The following ABCC1 variants were observed in gnomAD, a reference collection of about 807,000 sequenced individuals.
The protein encoded by ABCC1 is multidrug resistance-associated protein 1.
ABCC1 carries 83 observed loss-of-function variants against 172.9 expected under a neutral mutation model. That is an observed-to-expected ratio of 0.48 (90% CI 0.40 to 0.58). The LOEUF (loss-of-function observed/expected upper bound fraction) is 0.58. ABCC1 is among the 20% of genes least tolerant of loss of function. ABCC1 has a pLI of 0.00. For synonymous variants in ABCC1, 937 were observed against 825.2 expected, an observed-to-expected ratio of 1.14 and a Z score of -2.32; for missense variants, 1,817 against 2,002.7, an observed-to-expected ratio of 0.91 and a Z score of 1.77.
intron 19 of ABCC1, among the ~76,000 whole-genome samples, chr16:16,099,794 C>T (rs1300754298): frequency 6.6e-6 from 1 of 152,108 alleles, no homozygotes; most frequent in Non-Finnish European, 1.5e-5. Flanking sequence ...TTCAAAAAGC[C>T]AACAGGGGGC....
chr16:15,963,857 T>A (rs964182482), intron 1 of ABCC1, among the ~76,000 whole-genome samples: 1 of 152,196 alleles, frequency 6.6e-6, no homozygotes. Context: ...ATTGGGCTCC[T>A]TGTTACTTTT....
intron 1 of ABCC1, among the ~76,000 whole-genome samples, chr16:15,956,313 C>T (rs543477009): frequency 1.0e-3 from 152 of 151,624 alleles, no homozygotes; most frequent in Non-Finnish European, 1.8e-3. Context: ...TGCAGTGAGC[C>T]GAGATCGCGC....
At chr16:15,998,516 C>T (rs1164424970) in intron 1 of ABCC1, among the ~76,000 whole-genome samples, 8 of 152,130 alleles carry the variant, frequency 5.3e-5, no homozygotes, top group Non-Finnish European at 5.9e-5. Flanking sequence ...AGGGGTGACC[C>T]GTGTTGGCTG....
chr16:16,082,565 G>A (rs1228345899), intron 16 of ABCC1, among the ~76,000 whole-genome samples: 1 of 50,024 alleles, frequency 2.0e-5, no homozygotes, highest in African/African-American at 6.2e-5. Flanking sequence ...TGAAATGGAT[G>A]CTTGATATAG....
intron 12 of ABCC1, among the ~76,000 whole-genome samples, chr16:16,061,499 C>G (rs1358736284): frequency 6.6e-6 from 1 of 152,142 alleles, no homozygotes; most frequent in African/African-American, 2.4e-5. Context: ...CCAGGCATTG[C>G]GAAGTGTCCC....
chr16:16,104,999 C>T (rs113721197), intron 20 of ABCC1, among the ~76,000 whole-genome samples: 9 of 152,238 alleles, frequency 5.9e-5, no homozygotes, highest in East Asian at 3.9e-4. Context: ...GGTTCCCTCC[C>T]GTTCCTCTCC....
intron 19 of ABCC1, among the ~76,000 whole-genome samples, chr16:16,102,013 C>T (rs1432333968): frequency 1.3e-5 from 2 of 152,146 alleles, no homozygotes; most frequent in African/African-American, 4.8e-5. Context: ...GTTGGCAGAA[C>T]TTGGTTCCCC....
chr16:16,141,074 G>T, intron 30 of ABCC1, 99 bp from the exon 31 acceptor site: 1 of 983,998 alleles, frequency 1.0e-6, no homozygotes, highest in South Asian at 1.4e-5. Context: ...AGTGTTAGGG[G>T]CCTGACCCGA....
chr16:16,001,281 G>A lies in ABCC1; in HGVS notation c.49-6535G>A, dbSNP rs567486510. 3.3e-5 allele frequency among the ~76,000 whole-genome samples: 5 copies of A among 152,056 alleles called. No individual in the cohort carries two copies. The South Asian group carries it at 6.3e-4, about 19-fold the overall frequency. Reference sequence around the variant, plus strand: ...GGCTGGAGTGCAGTGGCGCGATCTCGGCTCACTGCAAGCTCTGCCTCCCGG... The same window carrying A: ...GGCTGGAGTGCAGTGGCGCGATCTCAGCTCACTGCAAGCTCTGCCTCCCGG... On this transcript the variant is annotated intron_variant, in intron 1 of 30. Coordinates refer to ENST00000399410, the MANE Select transcript of ABCC1 (RefSeq NM_004996.4).
At chr16:15,967,795 A>G (rs1327748305) in intron 1 of ABCC1, among the ~76,000 whole-genome samples, 1 of 151,670 alleles carries the variant, frequency 6.6e-6, no homozygotes, top group African/African-American at 2.4e-5. Flanking sequence ...AACTTGTTTA[A>G]CTACCTAAAT....
chr16:16,071,401 C>T (rs764474107), intron 13 of ABCC1, among the ~76,000 whole-genome samples: 3 of 151,834 alleles, frequency 2.0e-5, no homozygotes, highest in South Asian at 4.2e-4. Flanking sequence ...CCCAGCCATT[C>T]GCCCATTTTT....
chr16:15,963,035 T>A (rs2046170141), intron 1 of ABCC1, among the ~76,000 whole-genome samples: 1 of 152,250 alleles, frequency 6.6e-6, no homozygotes, highest in African/African-American at 2.4e-5. Flanking sequence ...GTTAGTTAGT[T>A]CCTAGATACA....
intron 20 of ABCC1, among the ~76,000 whole-genome samples, chr16:16,104,987 C>A (rs2052007870): frequency 6.6e-6 from 1 of 152,118 alleles, no homozygotes; most frequent in Non-Finnish European, 1.5e-5. Context: ...CTGTGCAGCT[C>A]CGGTTCCCTC....
rs148286748 is a variant in ABCC1, at chr16:16,027,799, C to T, written c.616-5310C>T. On this transcript the variant is annotated intron_variant, in intron 5 of 30. Coordinates refer to ENST00000399410, the MANE Select transcript of ABCC1 (RefSeq NM_004996.4). ...CCGTGCTCCAGCCTGGGTGACAGAG[C>T]GAGACCCTGTCTCGAAAATATATTT... is the stretch of plus-strand genomic sequence containing the variant. 8.7e-3 allele frequency among the ~76,000 whole-genome samples: 1,330 copies of T among 152,170 alleles called. 9 individuals carry two copies. The highest frequency in any genetic ancestry group is 0.016 in the Non-Finnish European group (1,064 of 67,980).
chr16:16,082,011 G>C (rs985132163), intron 16 of ABCC1, among the ~76,000 whole-genome samples: 1 of 151,966 alleles, frequency 6.6e-6, no homozygotes, highest in African/African-American at 2.4e-5. Flanking sequence ...GCAAGGCTTC[G>C]TTTCAAAAAA....
intron 18 of ABCC1, among the ~76,000 whole-genome samples, chr16:16,089,923 T>C (rs2051173124): frequency 6.6e-6 from 1 of 152,004 alleles, no homozygotes; most frequent in Non-Finnish European, 1.5e-5. Context: ...TGTTTTGCTG[T>C]GGCACCATCC....
chr16:16,107,626 C>T (rs1302482759), intron 21 of ABCC1, among the ~76,000 whole-genome samples: 1 of 152,098 alleles, frequency 6.6e-6, no homozygotes, highest in Admixed American at 6.6e-5. Context: ...TGATTACGTC[C>T]CTGAGAAAGT....
intron 1 of ABCC1, among the ~76,000 whole-genome samples, chr16:15,967,948 C>G (rs2046284266): frequency 6.6e-6 from 1 of 152,122 alleles, no homozygotes; most frequent in Non-Finnish European, 1.5e-5. Flanking sequence ...TACTCTTTGT[C>G]TTGTCTGATG....
chr16:15,986,021 G>A (rs1481658332), intron 1 of ABCC1, among the ~76,000 whole-genome samples: 12 of 151,612 alleles, frequency 7.9e-5, no homozygotes, highest in Admixed American at 7.9e-4. Flanking sequence ...TGTAGTCTCT[G>A]CCTCCCAGGT....
Sources: gnomAD v4.1 joint callset for allele counts (sites outside exome capture counted in the v4.1 genomes callset) on GRCh38, gnomAD v4.1.1 for gene constraint, MANE v1.5 for transcripts, NCBI Gene and HGNC (gene_info 2026-07-23, HGNC 2026-07-21) for gene names.